Variants in GPLD1 observed in about 807,000 individuals in gnomAD.
GPLD1 encodes phosphatidylinositol-glycan-specific phospholipase D.
GPLD1 carries 84 observed loss-of-function variants against 112.6 expected under a neutral mutation model. That is an observed-to-expected ratio of 0.75 (90% CI 0.63 to 0.89). The LOEUF (loss-of-function observed/expected upper bound fraction) is 0.89. Ranked by LOEUF, GPLD1 falls within the 40% of genes least tolerant of loss-of-function variation. The pLI, the probability that GPLD1 is intolerant of heterozygous loss-of-function variation, is 0.00. For synonymous variants in GPLD1, 386 were observed against 403.8 expected (o/e 0.96, Z 0.53); for missense variants, 1,044 against 1,051.5 (o/e 0.99, Z 0.10).
Position 24,476,206 on chromosome 6 carries a change from T to G in GPLD1, c.305A>C (p.Glu102Ala), listed in dbSNP as rs1213250361. Reference protein sequence around the residue: ...FLNASVHYIRENYPLPWEKDT... With the variant: ...FLNASVHYIRANYPLPWEKDT... ...CTTCTCCCAGGGAAGGGGATAGTTC[T>G]CTCGGATATAATGAACGCTTGCATT... is the stretch of plus-strand genomic sequence containing the variant. The change falls in exon 4 of 25, where the codon GAG becomes GCG. Residue 102 changes from glutamate (E) to alanine (A), a missense_variant. Transcript: ENST00000230036. 1 of 1,565,610 alleles carries G rather than the reference T, an allele frequency of 6.4e-7. No homozygotes were observed. Among genetic ancestry groups the G allele is most frequent in the Non-Finnish European group, 8.7e-7 (1 of 1,147,734 alleles).
At chr6:24,485,709 G>A (rs1195371882) in intron 2 of GPLD1, among the ~76,000 whole-genome samples, 1 of 142,486 alleles carries the variant, frequency 7.0e-6, no homozygotes, top group Non-Finnish European at 1.5e-5. Context: ...CACTCTTGTT[G>A]CCCAGGCTGA....
chr6:24,441,825 G>C (rs1762754530), intron 20 of GPLD1, among the ~76,000 whole-genome samples: 1 of 151,972 alleles, frequency 6.6e-6, no homozygotes, highest in African/African-American at 2.4e-5. Context: ...TTTTTATTTG[G>C]AACTGGGCCC....
Position 24,479,968 on chromosome 6 carries a change from C to T in GPLD1, c.154-9G>A. On this transcript the variant is annotated splice_polypyrimidine_tract_variant and intron_variant, in intron 2 of 24. Transcript: ENST00000230036. ...TGGTGTTCTAGTAACAGCTGCAGAG[C>T]AAGAAAATACAGAGATTAAGGGGCA... 2 of 1,565,454 alleles carry T rather than the reference C, an allele frequency of 1.3e-6. No homozygotes were observed. Among genetic ancestry groups the T allele is most frequent in the Non-Finnish European group, 1.8e-6 (2 of 1,135,940 alleles).
rs755413547 is a variant in GPLD1 at position 24,462,733 on chromosome 6, T to C, written c.884A>G (p.Gln295Arg). The change falls in exon 11 of 25, where the codon CAG (glutamine) becomes CGG (arginine). Residue 295 changes from glutamine to arginine, a missense_variant. Transcript: ENST00000230036. ...AACAATTTTGGAATCCACTTACCCCTGGGTGTGGTTTTGCTGGCCGCCACA... is the reference window on the plus strand; with the variant it reads ...AACAATTTTGGAATCCACTTACCCCCGGGTGTGGTTTTGCTGGCCGCCACA... ...IACGGQQNHT[Q>R]GSKMQKNDFH... 1 of 1,609,820 alleles carries C rather than the reference T, an allele frequency of 6.2e-7. No homozygotes were observed. Among genetic ancestry groups the C allele is most frequent in the African/African-American group, 1.3e-5 (1 of 74,958 alleles).
upstream of GPLD1, among the ~76,000 whole-genome samples, chr6:24,490,646 G>C (rs1348656493): frequency 6.6e-6 from 1 of 152,060 alleles, no homozygotes; most frequent in Non-Finnish European, 1.5e-5. Context: ...CAGCTACTGG[G>C]GAGGCTGAGG....
chr6:24,476,392 C>A (rs973152497), intron 3 of GPLD1, 114 bp from the exon 4 acceptor site: 9 of 621,604 alleles, frequency 1.4e-5, no homozygotes, highest in African/African-American at 3.7e-5. Context: ...TCCCTCCATG[C>A]CCCTCAGTTT....
At chr6:24,470,762 C>T (rs1277822679) in intron 7 of GPLD1, among the ~76,000 whole-genome samples, 2 of 152,066 alleles carry the variant, frequency 1.3e-5, no homozygotes, top group African/African-American at 4.8e-5. Flanking sequence ...TCGTACCAGG[C>T]TAATTTTTGT....
chr6:24,475,249 T>C lies in GPLD1; in HGVS notation c.331-18A>G, dbSNP rs554412043. 9 of 1,225,998 alleles carry C rather than the reference T, an allele frequency of 7.3e-6. No homozygotes were observed. In the East Asian group the frequency reaches 2.1e-4, roughly 28 times the overall value. 75.9% of individuals were successfully genotyped at this position (1,225,998 alleles called of 1,614,324 possible). On this transcript the variant is annotated intron_variant, in intron 4 of 24. Transcript: ENST00000230036. ...TCTGTGTCCTGCCAAACAAGCAAATTAGAGTCATGTGTGTTTGGGTGATTT... is the reference window on the plus strand; with the variant it reads ...TCTGTGTCCTGCCAAACAAGCAAATCAGAGTCATGTGTGTTTGGGTGATTT...
chr6:24,481,342 CCTTT>C (rs1561857496), intron 2 of GPLD1, among the ~76,000 whole-genome samples: 2 of 142,168 alleles, frequency 1.4e-5, no homozygotes, highest in Non-Finnish European at 1.5e-5. Flanking sequence ...AATATCCCGC[CCTTT>C]TTTTTTTTTT....
intron 6 of GPLD1, chr6:24,473,081 T>G (rs1386059837): frequency 4.7e-4 from 5 of 10,540 alleles, no homozygotes; most frequent in Non-Finnish European, 1.0e-3. Context: ...AGGCCGCCTT[T>G]TTTTTTTTTT....
At chr6:24,443,232 G>T (rs560597253) in intron 20 of GPLD1, among the ~76,000 whole-genome samples, 1 of 152,308 alleles carries the variant, frequency 6.6e-6, no homozygotes, top group East Asian at 1.9e-4. Flanking sequence ...AACCGAGGAA[G>T]AAGAGAGCTC....
intron 13 of GPLD1, among the ~76,000 whole-genome samples, chr6:24,455,632 G>A (rs1285410103): frequency 6.6e-6 from 1 of 152,078 alleles, no homozygotes; most frequent in South Asian, 2.1e-4. Context: ...TGGTATACCA[G>A]CTTTTACCAT....
intron 8 of GPLD1, 72 bp downstream of exon 8, chr6:24,467,093 AAC>A: frequency 8.8e-7 from 1 of 1,140,936 alleles, no homozygotes; most frequent in South Asian, 1.3e-5. Flanking sequence ...AGTCTCAGGA[AAC>A]AAAAACATAA....
Position 24,445,710 on chromosome 6 carries a change from G to T in GPLD1, c.1926+16C>A, listed in dbSNP as rs1025021090. 1 of 1,603,264 alleles carries T rather than the reference G, an allele frequency of 6.2e-7. No homozygotes were observed. Among genetic ancestry groups the T allele is most frequent in the Admixed American group, 1.7e-5 (1 of 59,996 alleles). ...TTGGAGTGTCCACTCTCCTGTGTGGGGAGGGCTTGTCATACCTTGTCTCCA... is the reference window on the plus strand; with the variant it reads ...TTGGAGTGTCCACTCTCCTGTGTGGTGAGGGCTTGTCATACCTTGTCTCCA... On this transcript the variant is annotated intron_variant, in intron 19 of 24. Transcript: ENST00000230036.
chr6:24,429,872 A>T (rs1005831858), intron 24 of GPLD1, among the ~76,000 whole-genome samples: 3 of 152,192 alleles, frequency 2.0e-5, no homozygotes, highest in African/African-American at 7.2e-5. Flanking sequence ...GTGGTGGCAA[A>T]TCTTCATACT....
chr6:24,432,579 C>T (rs974893839), intron 24 of GPLD1, among the ~76,000 whole-genome samples: 46 of 151,922 alleles, frequency 3.0e-4, no homozygotes, highest in African/African-American at 1.0e-3. Flanking sequence ...CCAGCATGGG[C>T]GACAGAGCAA....
At chr6:24,487,645 A>T (rs2127373325) in intron 1 of GPLD1, among the ~76,000 whole-genome samples, 1 of 152,320 alleles carries the variant, frequency 6.6e-6, no homozygotes, top group South Asian at 2.1e-4. Context: ...AAGACACTTT[A>T]GAATTCTTTA....
At chr6:24,484,841 C>T (rs1764318995) in intron 2 of GPLD1, among the ~76,000 whole-genome samples, 1 of 152,146 alleles carries the variant, frequency 6.6e-6, no homozygotes, top group Admixed American at 6.5e-5. Context: ...TTTGAGGGTA[C>T]AATAAATTTC....
upstream of GPLD1, among the ~76,000 whole-genome samples, chr6:24,494,102 T>C (rs1381751798): frequency 6.6e-6 from 1 of 152,238 alleles, no homozygotes; most frequent in Non-Finnish European, 1.5e-5. Flanking sequence ...CTTGGTTGAT[T>C]CAATTTTGAC....
Sources: gnomAD v4.1 joint callset for allele counts (sites outside exome capture counted in the v4.1 genomes callset) on GRCh38, gnomAD v4.1.1 for gene constraint, MANE v1.5 for transcripts, NCBI Gene and HGNC (gene_info 2026-07-23, HGNC 2026-07-21) for gene names.